The following MRPL2 variants were observed in gnomAD, a reference collection of about 807,000 sequenced individuals.
The protein encoded by MRPL2 is mitochondrial ribosomal protein L2.
A neutral mutation model predicts 34.6 loss-of-function variants in MRPL2; 27 were observed. The observed-to-expected ratio is 0.78, with a 90% confidence interval of 0.58 to 1.08. The LOEUF (loss-of-function observed/expected upper bound fraction) is 1.08, where lower values mean the gene tolerates loss of function less well. Ranked by LOEUF, MRPL2 falls within the 50% of genes least tolerant of loss-of-function variation. The pLI, the probability that MRPL2 is intolerant of heterozygous loss-of-function variation, is 0.00. For synonymous variants in MRPL2, 155 were observed against 158.0 expected (o/e 0.98, Z 0.14); for missense variants, 414 against 419.3 (o/e 0.99, Z 0.11).
At position 43,054,244 on chromosome 6, in the gene MRPL2, G is replaced by GA. The variant is rs946163419; in HGVS notation, c.*29_*30insT. The GA allele has an allele frequency of 7.9e-6, 11 of 1,395,970 alleles. No homozygotes were observed. Among genetic ancestry groups the GA allele is most frequent in the Non-Finnish European group, 7.8e-6 (8 of 1,022,278 alleles). The allele number at this position is 1,395,970 out of a possible 1,614,324, so 86.5% of individuals were successfully genotyped here. A position where few individuals can be genotyped will look rare whatever the true frequency, so the allele number is the denominator to read the frequency against. ...CCACAGTAACAGATTAAAACGGGGG[G>GA]GGGGGGCATTTTATTAGAGTACAGG... On this transcript the variant is annotated 3_prime_UTR_variant, in exon 7 of 7. Coordinates refer to ENST00000388752, the MANE Select transcript of MRPL2 (RefSeq NM_015950.5).
chr6:43,058,412 G>C (rs1217328176), intron 1 of MRPL2, among the ~76,000 whole-genome samples, 179 bp from the exon 2 acceptor site: 1 of 152,116 alleles, frequency 6.6e-6, no homozygotes, highest in Non-Finnish European at 1.5e-5. Context: ...TCTCTCCTTG[G>C]TGATCTCCTT....
chr6:43,059,317 G>A lies in MRPL2; in HGVS notation c.65C>T (p.Ala22Val). The change falls in exon 1 of 7, where the codon GCC (alanine) becomes GTC (valine). Residue 22 changes from alanine to valine, a missense_variant. Transcript: ENST00000388752. ...SLNLAPPTVA[A>V]PAPSLFPAAQ... ...GGCGGGGAACAGACTCGGGGCAGGG[G>A]CGGCGACGGTCGGGGGCGCCAGGTT... 3 of 1,552,024 alleles carry A rather than the reference G, an allele frequency of 1.9e-6. No homozygotes were observed. The highest frequency in any genetic ancestry group is 2.4e-5 in the South Asian group (2 of 84,080).
In MRPL2 at chr6:43,056,318, A is replaced by G. The variant is rs1279667320; in HGVS notation, c.393T>C (p.Tyr131=). The G allele has an allele frequency of 2.5e-6, 4 of 1,614,124 alleles. No homozygotes were observed. The highest frequency in any genetic ancestry group is 3.3e-5 in the Admixed American group (2 of 60,012). Residue 131 remains tyrosine, a synonymous_variant, in exon 3 of 7, where the codon TAT becomes TAC. Coordinates refer to ENST00000388752, the MANE Select transcript of MRPL2 (RefSeq NM_015950.5). Reference sequence around the variant, plus strand: ...CATCCCAAACTTGCCTACAGGGATCATAGCGGACTTGGATAACCTTCTCCT... The same window carrying G: ...CATCCCAAACTTGCCTACAGGGATCGTAGCGGACTTGGATAACCTTCTCCT... ...PFEEKVIQVR[Y]DPCRSADIAL...
chr6:43,058,608 C>A (rs947580135), intron 1 of MRPL2, among the ~76,000 whole-genome samples: 1 of 152,134 alleles, frequency 6.6e-6, no homozygotes, highest in Non-Finnish European at 1.5e-5. Flanking sequence ...ACTCTTGTTC[C>A]TTGATGTATT....
rs751751266 is a variant in MRPL2 at position 43,059,228 on chromosome 6, G to A, written c.96+58C>T. On this transcript the variant is annotated intron_variant, in intron 1 of 6. Coordinates refer to ENST00000388752, the MANE Select transcript of MRPL2 (RefSeq NM_015950.5). ...GCAACTCCCGCCTCGCATGCCCGCA[G>A]ACCCCATCTCCGGCAGCCCGAATGG... 1.9e-6 allele frequency: 3 copies of A among 1,551,040 alleles called. No individual in the cohort carries two copies. The South Asian group carries it at 3.6e-5, about 18-fold the overall frequency.
chr6:43,059,649 T>C (rs1765029752), upstream of MRPL2: 1 of 1,366,858 alleles, frequency 7.3e-7, no homozygotes, highest in Non-Finnish European at 9.4e-7. Flanking sequence ...AAAGGGGCAG[T>C]ACCGGCAAGA....
intron 2 of MRPL2, 92 bp downstream of exon 2, chr6:43,057,973 C>T: frequency 7.0e-7 from 1 of 1,418,948 alleles, no homozygotes; most frequent in South Asian, 1.3e-5. Flanking sequence ...CATTCCTCTG[C>T]CTTACAAGGT....
In MRPL2 at chr6:43,059,272, G is replaced by A; in HGVS notation, c.96+14C>T. 6.4e-7 allele frequency: 1 copy of A among 1,551,420 alleles called. No homozygotes were observed. Among genetic ancestry groups the A allele is most frequent in the Admixed American group, 2.0e-5 (1 of 51,026 alleles). ...CGAATGGAAGCAGCCTTCTTCCCGG[G>A]TAAGATGGATTACCTGGGCGGCGGG... On this transcript the variant is annotated intron_variant, in intron 1 of 6. Coordinates refer to ENST00000388752, the MANE Select transcript of MRPL2 (RefSeq NM_015950.5).
chr6:43,058,049 CT>C lies in MRPL2; in HGVS notation c.265+15del, dbSNP rs773727034. On this transcript the variant is annotated intron_variant, in intron 2 of 6. Transcript: ENST00000388752. ...TTTCCTTTTGACTGCTTAAATCCCC[CT>C]GTCCTTGTTCCCACCTGTGTGGTCT... is the stretch of plus-strand genomic sequence containing the variant. 7 of 1,613,028 alleles carry C rather than the reference CT, an allele frequency of 4.3e-6. No individual in the cohort carries two copies. Among genetic ancestry groups the C allele is most frequent in the Non-Finnish European group, 5.9e-6 (7 of 1,179,522 alleles).
rs1169070559 is a variant in MRPL2, at chr6:43,054,114, C to A, written c.*160G>T. 3.0e-6 allele frequency: 2 copies of A among 659,676 alleles called. No homozygotes were observed. The highest frequency in any genetic ancestry group is 5.1e-6 in the Non-Finnish European group (2 of 392,604). The allele number at this position is 659,676 out of a possible 1,614,324, so 40.9% of individuals were successfully genotyped here. On this transcript the variant is annotated 3_prime_UTR_variant, in exon 7 of 7. Transcript: ENST00000388752. Reference sequence around the variant, plus strand: ...GGACAGACCCAGTGTCCTGTACTTTCTCTTCCACACTTTTTACTTCTTTTC... The same window carrying A: ...GGACAGACCCAGTGTCCTGTACTTTATCTTCCACACTTTTTACTTCTTTTC...
rs769182535 is a variant in MRPL2 at position 43,056,387 on chromosome 6, G to GT, written c.323dup (p.Asp108GlufsTer8). 6.2e-7 allele frequency: 1 copy of GT among 1,614,200 alleles called. No individual in the cohort carries two copies. The highest frequency in any genetic ancestry group is 8.5e-7 in the Non-Finnish European group (1 of 1,180,036). ...TCTCCTCAGGCCGGAAACGCAGAAAGTCAATCATTCGATAACGTTGCTTGT... is the reference window on the plus strand; with the variant it reads ...TCTCCTCAGGCCGGAAACGCAGAAAGTTCAATCATTCGATAACGTTGCTTGT... On this transcript the variant is annotated frameshift_variant, in exon 3 of 7. Transcript: ENST00000388752. LOFTEE classifies it high-confidence loss of function.
intron 1 of MRPL2, chr6:43,058,977 G>A (rs916070351): frequency 1.5e-6 from 1 of 675,562 alleles, no homozygotes; most frequent in South Asian, 2.0e-5. Context: ...GTATTTGAAA[G>A]GAGTTCATTT....
chr6:43,059,603 A>G, upstream of MRPL2: 23 of 1,384,464 alleles, frequency 1.7e-5, no homozygotes, highest in Non-Finnish European at 2.0e-5. Flanking sequence ...CAGACCCGTC[A>G]AAACAATTGC....
Position 43,054,299 on chromosome 6 carries a change from A to C in MRPL2, c.893T>G (p.Leu298Arg). 2 of 1,604,784 alleles carry C rather than the reference A, an allele frequency of 1.2e-6. No homozygotes were observed. Among genetic ancestry groups the C allele is most frequent in the Non-Finnish European group, 1.7e-6 (2 of 1,175,984 alleles). Residue 298 changes from leucine (L) to arginine (R), a missense_variant, in exon 7 of 7, where the codon CTG (leucine) becomes CGG (arginine). Leu to Arg is a moderately radical substitution (Grantham distance 102). Coordinates refer to ENST00000388752, the MANE Select transcript of MRPL2 (RefSeq NM_015950.5). ...PLPPMKSYVK[L>R]PSASAQS ...TCAGCTTTGGGCAGAAGCAGAAGGCAGCTTCACGTAACTCTTCATGGGGGG... is the reference window on the plus strand; with the variant it reads ...TCAGCTTTGGGCAGAAGCAGAAGGCCGCTTCACGTAACTCTTCATGGGGGG...
upstream of MRPL2, chr6:43,059,466 TA>T: frequency 2.1e-6 from 3 of 1,459,752 alleles, no homozygotes; most frequent in African/African-American, 1.4e-5. Flanking sequence ...CGCAATAACG[TA>T]AAAGGAGGCG....
At position 43,054,317 on chromosome 6, in the gene MRPL2, A is replaced by ATGGGGGGTAG; in HGVS notation, c.865_874dup (p.Met292ThrfsTer67). The ATGGGGGGTAG allele has an allele frequency of 6.2e-7, 1 of 1,611,666 alleles. No homozygotes were observed. The highest frequency in any genetic ancestry group is 1.4e-5 in the African/African-American group (1 of 74,028). ...AGAAGGCAGCTTCACGTAACTCTTCATGGGGGGTAGTGGCCGAATCTTTCG... is the reference window on the plus strand; with the variant it reads ...AGAAGGCAGCTTCACGTAACTCTTCATGGGGGGTAGTGGGGGGTAGTGGCCGAATCTTTCG... On this transcript the variant is annotated frameshift_variant, in exon 7 of 7. Transcript: ENST00000388752. LOFTEE classifies it high-confidence loss of function.
rs1390342164 is a variant in MRPL2, at chr6:43,056,100, G to A, written c.501C>T (p.Asn167=). The A allele has an allele frequency of 1.9e-6, 3 of 1,614,088 alleles. No homozygotes were observed. The highest frequency in any genetic ancestry group is 2.5e-6 in the Non-Finnish European group (3 of 1,180,048). ...MQAGDTILNS[N]HIGRMAVAAR... is the part of the protein sequence containing the mutation. ...TCTCACCTGCCATTCGGCCTATGTG[G>A]TTAGAGTTCAAGATTGTATCTCCAG... is the stretch of plus-strand genomic sequence containing the variant. The change falls in exon 4 of 7, where the codon AAC becomes AAT. Residue 167 remains asparagine (N), a synonymous_variant. Transcript: ENST00000388752.
At chr6:43,055,111 T>C (rs1038610230) in intron 6 of MRPL2, among the ~76,000 whole-genome samples, 29 of 151,950 alleles carry the variant, frequency 1.9e-4, no homozygotes, top group African/African-American at 6.8e-4. Flanking sequence ...ACTCCTGTAA[T>C]CTCAGCACTT....
At chr6:43,056,503 A>G in intron 2 of MRPL2, 58 bp from the exon 3 acceptor site, 2 of 1,597,738 alleles carry the variant, frequency 1.3e-6, no homozygotes, top group Non-Finnish European at 1.7e-6. Context: ...AGTTTCCAGC[A>G]CTGGGAACTG....
Sources: gnomAD v4.1 joint callset for allele counts (sites outside exome capture counted in the v4.1 genomes callset) on GRCh38, gnomAD v4.1.1 for gene constraint, MANE v1.5 for transcripts, NCBI Gene and HGNC (gene_info 2026-07-23, HGNC 2026-07-21) for gene names.